ASIC2: variants seen among roughly 807,000 people sequenced by gnomAD.
The protein encoded by ASIC2 is acid sensing ion channel subunit 2.
A neutral mutation model predicts 57.3 loss-of-function variants in ASIC2; 25 were observed. The observed-to-expected ratio is 0.44, with a 90% CI of 0.32 to 0.61. ASIC2 has a LOEUF of 0.61. Ranked by LOEUF, ASIC2 falls within the 20% of genes least tolerant of loss-of-function variation. The probability of loss-of-function intolerance (pLI) is 0.06; values close to 1 mark genes in which losing one functional copy is unlikely to be tolerated. For synonymous variants in ASIC2, 319 were observed against 307.5 expected (o/e 1.04, Z -0.39); for missense variants, 641 against 738.1 (o/e 0.87, Z 1.52).
chr17:34,040,216 G>T (rs1195706491), intron 1 of ASIC2, among the ~76,000 whole-genome samples: 3 of 143,496 alleles, frequency 2.1e-5, no homozygotes, highest in African/African-American at 8.2e-5. Flanking sequence ...AGGAGGTGGG[G>T]GCCCGCTCGG....
intron 1 of ASIC2, among the ~76,000 whole-genome samples, chr17:33,212,246 GA>G (rs1907304925): frequency 6.6e-6 from 1 of 152,186 alleles, no homozygotes; most frequent in South Asian, 2.1e-4. Context: ...CTTGAGATAA[GA>G]AGATTATCCT....
At chr17:33,535,627 C>G (rs1915205470) in intron 1 of ASIC2, among the ~76,000 whole-genome samples, 1 of 152,142 alleles carries the variant, frequency 6.6e-6, no homozygotes, top group Non-Finnish European at 1.5e-5. Flanking sequence ...TGTGCCTTCT[C>G]CTCTCTCTAT....
At chr17:33,368,530 A>G (rs540249828) in intron 1 of ASIC2, among the ~76,000 whole-genome samples, 1 of 152,174 alleles carries the variant, frequency 6.6e-6, no homozygotes, top group Non-Finnish European at 1.5e-5. Context: ...GTCTTACACC[A>G]CTGGATTTTG....
chr17:34,046,521 C>A (rs969497469), intron 1 of ASIC2, among the ~76,000 whole-genome samples: 1 of 152,200 alleles, frequency 6.6e-6, no homozygotes, highest in Non-Finnish European at 1.5e-5. Context: ...TGCAGATGAC[C>A]TTCTGCCAAG....
chr17:33,331,671 T>C (rs1236249585), intron 1 of ASIC2, among the ~76,000 whole-genome samples: 1 of 152,240 alleles, frequency 6.6e-6, no homozygotes, highest in Non-Finnish European at 1.5e-5. Context: ...CAAACCCATA[T>C]GTTAAAAAGA....
chr17:33,702,087 C>G (rs1019106506), intron 1 of ASIC2, among the ~76,000 whole-genome samples: 2 of 152,154 alleles, frequency 1.3e-5, no homozygotes, highest in African/African-American at 2.4e-5. Flanking sequence ...CATTCCTCTT[C>G]AATGTGACGT....
chr17:33,356,224 C>T (rs1263875787), intron 1 of ASIC2, among the ~76,000 whole-genome samples: 1 of 152,116 alleles, frequency 6.6e-6, no homozygotes, highest in Non-Finnish European at 1.5e-5. Flanking sequence ...AAGTGCTGGG[C>T]CAGGTACTTT....
chr17:33,428,370 C>A (rs1377290697), intron 1 of ASIC2, among the ~76,000 whole-genome samples: 1 of 152,138 alleles, frequency 6.6e-6, no homozygotes, highest in Non-Finnish European at 1.5e-5. Flanking sequence ...GATTGAGAAC[C>A]ACTGCATTAG....
rs146609867 is a variant in ASIC2 at position 33,324,101 on chromosome 17, C to T, written c.556-212034G>A. Among the ~76,000 whole-genome samples, 119 of 152,238 alleles carry T rather than the reference C, an allele frequency of 7.8e-4. No individual in the cohort carries two copies. In the East Asian group the frequency reaches 0.016, roughly 21 times the overall value. On this transcript the variant is annotated intron_variant, in intron 1 of 9. Transcript: ENST00000359872. Reference sequence around the variant, plus strand: ...GGAATTTGGAGTATGTAAAAGATCTCGATGGTGAACTGGGTCCTCCTGTGT... The same window carrying T: ...GGAATTTGGAGTATGTAAAAGATCTTGATGGTGAACTGGGTCCTCCTGTGT...
intron 1 of ASIC2, among the ~76,000 whole-genome samples, chr17:33,911,099 C>T (rs1178984441): frequency 6.6e-6 from 1 of 152,158 alleles, no homozygotes; most frequent in African/African-American, 2.4e-5. Flanking sequence ...AAGGTTATTC[C>T]CACATGGGGC....
At chr17:33,918,814 A>C (rs772140403) in intron 1 of ASIC2, among the ~76,000 whole-genome samples, 3 of 152,242 alleles carry the variant, frequency 2.0e-5, no homozygotes, top group African/African-American at 7.2e-5. Context: ...AGAAGCTGGC[A>C]TCACAGGCAT....
chr17:33,159,247 T>C (rs1390948391), intron 1 of ASIC2, among the ~76,000 whole-genome samples: 1 of 152,240 alleles, frequency 6.6e-6, no homozygotes, highest in Non-Finnish European at 1.5e-5. Flanking sequence ...ATGTATGCAT[T>C]GCACTTCAAC....
At chr17:33,290,961 CTTTT>C (rs34352956) in intron 1 of ASIC2, 44 of 124,482 alleles carry the variant, frequency 3.5e-4, no homozygotes, top group East Asian at 1.2e-3. Flanking sequence ...CAAGCGCTTC[CTTTT>C]TTTTTTTTTT....
At chr17:33,667,486 A>G (rs989180348) in intron 1 of ASIC2, among the ~76,000 whole-genome samples, 3 of 152,000 alleles carry the variant, frequency 2.0e-5, no homozygotes, top group African/African-American at 4.8e-5. Context: ...TTCTCTTGCT[A>G]CTTACTTACT....
intron 1 of ASIC2, among the ~76,000 whole-genome samples, chr17:33,882,224 C>A (rs1181762511): frequency 1.3e-5 from 2 of 152,092 alleles, no homozygotes; most frequent in Non-Finnish European, 2.9e-5. Context: ...TCTAAAACAC[C>A]AAAAGCAATG....
At chr17:33,337,529 G>C (rs746924666) in intron 1 of ASIC2, among the ~76,000 whole-genome samples, 2 of 152,222 alleles carry the variant, frequency 1.3e-5, no homozygotes, top group Non-Finnish European at 2.9e-5. Flanking sequence ...TTGCTCAACT[G>C]TTCAAAGGGG....
At chr17:34,107,947 C>G (rs1031202074) in intron 1 of ASIC2, among the ~76,000 whole-genome samples, 1 of 152,056 alleles carries the variant, frequency 6.6e-6, no homozygotes, top group African/African-American at 2.4e-5. Context: ...CATCCCACCT[C>G]GCCTCACACT....
chr17:33,827,506 CTT>C (rs56359208), intron 1 of ASIC2, among the ~76,000 whole-genome samples: 8 of 138,486 alleles, frequency 5.8e-5, no homozygotes, highest in Non-Finnish European at 6.2e-5. Context: ...TATTTTTTGT[CTT>C]TTTTTTTTTG....
chr17:33,237,654 C>T (rs1376727680), intron 1 of ASIC2, among the ~76,000 whole-genome samples: 1 of 152,134 alleles, frequency 6.6e-6, no homozygotes, highest in Non-Finnish European at 1.5e-5. Flanking sequence ...TGACTCTGGG[C>T]AAGTTCTTTG....
Sources: gnomAD v4.1 joint callset for allele counts (sites outside exome capture counted in the v4.1 genomes callset) on GRCh38, gnomAD v4.1.1 for gene constraint, MANE v1.5 for transcripts, NCBI Gene and HGNC (gene_info 2026-07-23, HGNC 2026-07-21) for gene names.